UBA3: variants seen among roughly 807,000 people sequenced by gnomAD.
UBA3 encodes ubiquitin like modifier activating enzyme 3.
A neutral mutation model predicts 73.5 loss-of-function variants in UBA3; 26 were observed. The observed-to-expected ratio is 0.35, with a 90% CI of 0.26 to 0.49. The LOEUF is 0.49. UBA3 is among the 20% of genes least tolerant of loss of function. The pLI, the probability that UBA3 is intolerant of heterozygous loss-of-function variation, is 0.98. For synonymous variants in UBA3, 217 were observed against 191.2 expected (o/e 1.13, Z -1.11); for missense variants, 495 against 555.6 (o/e 0.89, Z 1.10).
chr3:69,055,533 A>T lies in UBA3; in HGVS notation c.1304-8T>A. On this transcript the variant is annotated splice_region_variant and splice_polypyrimidine_tract_variant and intron_variant, in intron 17 of 17. Coordinates refer to ENST00000361055, the MANE Select transcript of UBA3 (RefSeq NM_003968.4). ...CATCAACAAGCCCCAATTCTAAAACAGAAAAAATATTATTAATACAAGCAA... is the reference window on the plus strand; with the variant it reads ...CATCAACAAGCCCCAATTCTAAAACTGAAAAAATATTATTAATACAAGCAA... 1 of 1,577,006 alleles carries T rather than the reference A, an allele frequency of 6.3e-7. No individual in the cohort carries two copies. Among genetic ancestry groups the T allele is most frequent in the Non-Finnish European group, 8.6e-7 (1 of 1,168,308 alleles).
At chr3:69,071,387 C>T in intron 5 of UBA3, 148 bp downstream of exon 5, 1 of 529,256 alleles carries the variant, frequency 1.9e-6, no homozygotes, top group Non-Finnish European at 3.3e-6. Context: ...AAAACTTTAC[C>T]TACAATGGGA....
At chr3:69,057,154 C>G (rs1866265) in intron 12 of UBA3, 102 bp downstream of exon 12, 421,896 of 1,178,314 alleles carry the variant, frequency 0.36, 77,225 homozygotes, top group East Asian at 0.44. Context: ...GTTACACAAC[C>G]CATCCAAGAA....
At chr3:69,059,685 G>A (rs1471019659) in intron 11 of UBA3, among the ~76,000 whole-genome samples, 3 of 152,012 alleles carry the variant, frequency 2.0e-5, no homozygotes, top group East Asian at 3.9e-4. Context: ...AAGTATAAAT[G>A]GAATTTTAAA....
chr3:69,055,765 A>G (rs2091967407), intron 17 of UBA3, 86 bp downstream of exon 17: 1 of 1,319,574 alleles, frequency 7.6e-7, no homozygotes, highest in Admixed American at 2.2e-5. Flanking sequence ...AGGCATTAAG[A>G]GGAAATCTAG....
At chr3:69,075,650 A>T in intron 3 of UBA3, 140 bp from the exon 4 acceptor site, 1 of 343,032 alleles carries the variant, frequency 2.9e-6, no homozygotes, top group Non-Finnish European at 5.4e-6. Context: ...TATTTGCTCA[A>T]TTATTTGAAA....
chr3:69,062,724 T>C (rs919236322), intron 9 of UBA3, among the ~76,000 whole-genome samples: 5 of 152,176 alleles, frequency 3.3e-5, no homozygotes, highest in African/African-American at 9.7e-5. Context: ...TATACAACTT[T>C]GTAATTCTAC....
chr3:69,055,344 G>A lies in UBA3; in HGVS notation c.*93C>T. ...ATTATATAAAAAAAGACAAATCGTGGCAACACTATTGCTAAAAATGACATC... is the reference window on the plus strand; with the variant it reads ...ATTATATAAAAAAAGACAAATCGTGACAACACTATTGCTAAAAATGACATC... On this transcript the variant is annotated 3_prime_UTR_variant, in exon 18 of 18. Transcript: ENST00000361055. 1.3e-6 allele frequency: 1 copy of A among 778,614 alleles called. No individual in the cohort carries two copies. The highest frequency in any genetic ancestry group is 1.9e-6 in the Non-Finnish European group (1 of 521,056). 48.2% of individuals were successfully genotyped at this position (778,614 alleles called of 1,614,324 possible).
intron 11 of UBA3, among the ~76,000 whole-genome samples, chr3:69,059,693 A>T (rs2092006096): frequency 6.6e-6 from 1 of 152,052 alleles, no homozygotes; most frequent in Non-Finnish European, 1.5e-5. Context: ...ATGGAATTTT[A>T]AAATGACATT....
intron 5 of UBA3, among the ~76,000 whole-genome samples, chr3:69,068,629 C>T (rs573503484): frequency 6.6e-6 from 1 of 151,726 alleles, no homozygotes; most frequent in Non-Finnish European, 1.5e-5. Context: ...GTCACCCAGG[C>T]TGGAGTGCAG....
At chr3:69,067,042 A>G (rs2092077298) in intron 6 of UBA3, among the ~76,000 whole-genome samples, 1 of 152,112 alleles carries the variant, frequency 6.6e-6, no homozygotes. Context: ...TCTTTTTCAG[A>G]TTTGTAGTAG....
chr3:69,061,957 G>A, intron 10 of UBA3, 30 bp from the exon 11 acceptor site: 2 of 1,496,538 alleles, frequency 1.3e-6, no homozygotes, highest in South Asian at 1.2e-5. Flanking sequence ...GAGAGAGAGA[G>A]AGAGAGAAGA....
intron 2 of UBA3, among the ~76,000 whole-genome samples, chr3:69,078,646 G>C (rs1160111745): frequency 2.0e-5 from 3 of 151,968 alleles, no homozygotes; most frequent in Admixed American, 6.6e-5. Context: ...GCCAATTTTT[G>C]TATTTTTAGT....
At chr3:69,072,683 C>G (rs1169977322) in intron 4 of UBA3, among the ~76,000 whole-genome samples, 1 of 152,210 alleles carries the variant, frequency 6.6e-6, no homozygotes, top group Admixed American at 6.5e-5. Flanking sequence ...TTCTGGTGAT[C>G]TCAGACCATC....
intron 11 of UBA3, among the ~76,000 whole-genome samples, chr3:69,060,675 C>T (rs1231714671): frequency 6.6e-6 from 1 of 152,148 alleles, no homozygotes; most frequent in Non-Finnish European, 1.5e-5. Flanking sequence ...ATATCTGTCC[C>T]CTCCAAATCT....
chr3:69,055,494 C>A lies in UBA3; in HGVS notation c.1335G>T (p.Ala445=), dbSNP rs776131142. 9 of 1,574,046 alleles carry A rather than the reference C, an allele frequency of 5.7e-6. No individual in the cohort carries two copies. The highest frequency in any genetic ancestry group is 2.6e-6 in the Non-Finnish European group (3 of 1,169,020). ...ELGLVDGQEL[A]VADVTTPQTV... ...TCTGTGGGGTGGTGACATCAGCAAC[C>A]GCCAGTTCTTGTCCATCAACAAGCC... Residue 445 remains alanine (A), a synonymous_variant, in exon 18 of 18, where the codon GCG becomes GCT. Coordinates refer to ENST00000361055, the MANE Select transcript of UBA3 (RefSeq NM_003968.4).
intron 6 of UBA3, among the ~76,000 whole-genome samples, chr3:69,067,005 G>GAATTTGGA (rs1481870229): frequency 9.1e-4 from 138 of 152,280 alleles, no homozygotes; most frequent in African/African-American, 3.1e-3. Context: ...TATAAGTCTA[G>GAATTTGGA]AATTTGGATA....
intron 11 of UBA3, among the ~76,000 whole-genome samples, chr3:69,058,397 A>C (rs938894271): frequency 1.3e-5 from 2 of 152,224 alleles, no homozygotes; most frequent in Admixed American, 1.3e-4. Flanking sequence ...ATGTGTTCCC[A>C]AGACTCCAAG....
At chr3:69,058,075 G>A (rs571814139) in intron 11 of UBA3, among the ~76,000 whole-genome samples, 27 of 151,724 alleles carry the variant, frequency 1.8e-4, no homozygotes, top group Non-Finnish European at 2.8e-4. Flanking sequence ...GGACTACAGG[G>A]GCCCGCCACC....
intron 6 of UBA3, 40 bp from the exon 7 acceptor site, chr3:69,064,151 T>A (rs549771226): frequency 3.2e-5 from 49 of 1,533,914 alleles, no homozygotes; most frequent in Admixed American, 1.0e-4. Flanking sequence ...TAAGTTTTAA[T>A]TTCTAAAATG....
Sources: gnomAD v4.1 joint callset for allele counts (sites outside exome capture counted in the v4.1 genomes callset) on GRCh38, gnomAD v4.1.1 for gene constraint, MANE v1.5 for transcripts, NCBI Gene and HGNC (gene_info 2026-07-23, HGNC 2026-07-21) for gene names.